Variants in KLF12 observed in about 807,000 individuals in gnomAD.
KLF12 encodes Krueppel-like factor 12.
In KLF12, 9 loss-of-function variants were observed where a neutral mutation model predicts 37.8. The observed-to-expected ratio is 0.24, with a 90% CI of 0.14 to 0.42. KLF12 has a LOEUF of 0.42. Among genes scored for constraint, KLF12 ranks in the 10% least tolerant of loss-of-function variants. The pLI, the probability that KLF12 is intolerant of heterozygous loss-of-function variation, is 1.00. For missense variants in KLF12, 411 were observed against 516.0 expected (o/e 0.80, Z 1.97); for synonymous variants, 208 against 202.1 (o/e 1.03, Z -0.25).
At chr13:74,190,946 A>G in the KLF12 span, among the ~76,000 whole-genome samples, 1 of 152,114 alleles carries the variant, frequency 6.6e-6, no homozygotes, top group Non-Finnish European at 1.5e-5. Context: ...TTATGTTTGG[A>G]TTCCCAGATG....
chr13:73,821,119 GTC>G (rs1883501771), intron 4 of KLF12, among the ~76,000 whole-genome samples: 1 of 152,174 alleles, frequency 6.6e-6, no homozygotes, highest in South Asian at 2.1e-4. Context: ...TTGGGCCTTT[GTC>G]TCTCTCTGGT....
the KLF12 span, among the ~76,000 whole-genome samples, chr13:74,282,583 G>A: frequency 9.9e-5 from 15 of 152,156 alleles, no homozygotes; most frequent in Non-Finnish European, 1.5e-4. Context: ...TGATGGGGAC[G>A]CACCTCCTGA....
chr13:74,220,503 T>G, the KLF12 span, among the ~76,000 whole-genome samples: 1 of 152,222 alleles, frequency 6.6e-6, no homozygotes, highest in Non-Finnish European at 1.5e-5. Context: ...GACATAGGCA[T>G]TAGCTCACAT....
chr13:74,280,298 T>A, the KLF12 span, among the ~76,000 whole-genome samples: 1 of 152,164 alleles, frequency 6.6e-6, no homozygotes, highest in African/African-American at 2.4e-5. Flanking sequence ...TCTAATGATC[T>A]TTTTGGGTAG....
chr13:73,977,896 C>A (rs1260993474), intron 2 of KLF12, among the ~76,000 whole-genome samples: 1 of 152,198 alleles, frequency 6.6e-6, no homozygotes, highest in Non-Finnish European at 1.5e-5. Flanking sequence ...ACAAATGGTG[C>A]TGGAACAACT....
At chr13:74,269,452 A>C in the KLF12 span, among the ~76,000 whole-genome samples, 4 of 152,174 alleles carry the variant, frequency 2.6e-5, no homozygotes, top group Non-Finnish European at 4.4e-5. Context: ...TGTGTGATGG[A>C]GGCAAAATTA....
At chr13:73,955,710 T>C (rs1168012612) in intron 2 of KLF12, among the ~76,000 whole-genome samples, 1 of 152,242 alleles carries the variant, frequency 6.6e-6, no homozygotes, top group Non-Finnish European at 1.5e-5. Context: ...ACTGAACGTA[T>C]TTAACAAACA....
chr13:73,913,806 T>C (rs1279919276), intron 3 of KLF12, among the ~76,000 whole-genome samples: 1 of 152,248 alleles, frequency 6.6e-6, no homozygotes, highest in Non-Finnish European at 1.5e-5. Context: ...TTTTATTATT[T>C]GAAGTATAAC....
At chr13:74,090,856 T>G (rs770900348) in intron 1 of KLF12, among the ~76,000 whole-genome samples, 36 of 151,076 alleles carry the variant, frequency 2.4e-4, no homozygotes, top group Non-Finnish European at 1.5e-5. Flanking sequence ...ATAGCCCAAT[T>G]CATTAAAAAA....
At chr13:73,765,072 GT>G in intron 5 of KLF12, 72 bp from the exon 6 acceptor site, 1 of 873,162 alleles carries the variant, frequency 1.1e-6, no homozygotes. Context: ...AAAATGGCAT[GT>G]TTTATAAATA....
chr13:74,234,074 T>C, the KLF12 span, among the ~76,000 whole-genome samples: 1 of 152,168 alleles, frequency 6.6e-6, no homozygotes, highest in African/African-American at 2.4e-5. Flanking sequence ...ATGTTGATAA[T>C]AGGAGGATAA....
intron 1 of KLF12, among the ~76,000 whole-genome samples, chr13:74,011,888 T>C (rs139968362): frequency 2.6e-5 from 4 of 152,326 alleles, no homozygotes; most frequent in African/African-American, 9.6e-5. Flanking sequence ...ACTATGTCTT[T>C]TCACTATGGT....
chr13:74,255,715 A>G, the KLF12 span, among the ~76,000 whole-genome samples: 1 of 152,220 alleles, frequency 6.6e-6, no homozygotes, highest in Non-Finnish European at 1.5e-5. Context: ...ATTGTTGTAT[A>G]TAGGAGAACT....
intron 6 of KLF12, among the ~76,000 whole-genome samples, chr13:73,728,609 G>T (rs1306631073): frequency 6.6e-6 from 1 of 152,180 alleles, no homozygotes; most frequent in Non-Finnish European, 1.5e-5. Flanking sequence ...TATTCCTAGT[G>T]TACTGAGTGT....
intron 3 of KLF12, among the ~76,000 whole-genome samples, chr13:73,903,793 C>G (rs1222442600): frequency 6.6e-6 from 1 of 152,186 alleles, no homozygotes; most frequent in African/African-American, 2.4e-5. Context: ...TGAGCTCCAC[C>G]ACCTGCCAGC....
chr13:74,275,806 CCTTCTTT>C, the KLF12 span, among the ~76,000 whole-genome samples: 1 of 79,578 alleles, frequency 1.3e-5, no homozygotes, highest in Non-Finnish European at 2.5e-5. Flanking sequence ...TTCTTTCTTT[CCTTCTTT>C]CTTTCTTTCT....
chr13:73,732,117 CTT>C lies in KLF12; in HGVS notation c.870-16594_870-16593del, dbSNP rs1877106608. Among the ~76,000 whole-genome samples, 7 of 134,546 alleles carry C rather than the reference CTT, an allele frequency of 5.2e-5. No homozygotes were observed. The Admixed American group carries it at 5.5e-4, about 11-fold the overall frequency. 88.3% of individuals were successfully genotyped at this position (134,546 alleles called of 152,430 possible). A position where few individuals can be genotyped will look rare whatever the true frequency, so the allele number is the denominator to read the frequency against. On this transcript the variant is annotated intron_variant, in intron 6 of 7. Coordinates refer to ENST00000377669, the MANE Select transcript of KLF12 (RefSeq NM_007249.5). ...TTTTTTTTTGAGAGGGAGTTTTGCTCTTGTTGCCCAGGTTGGAGTGCAGTGGC... is the reference window on the plus strand; with the variant it reads ...TTTTTTTTTGAGAGGGAGTTTTGCTCGTTGCCCAGGTTGGAGTGCAGTGGC...
chr13:74,094,436 T>G (rs905985223), intron 1 of KLF12, among the ~76,000 whole-genome samples: 2 of 152,110 alleles, frequency 1.3e-5, no homozygotes, highest in African/African-American at 4.8e-5. Flanking sequence ...TTTCTTGATA[T>G]GTAACCTGCC....
intron 2 of KLF12, among the ~76,000 whole-genome samples, chr13:73,951,007 A>G (rs141336426): frequency 6.6e-6 from 1 of 152,328 alleles, no homozygotes; most frequent in African/African-American, 2.4e-5. Context: ...ATGCTTGGAC[A>G]CAGAAGCCAG....
Sources: gnomAD v4.1 joint callset for allele counts (sites outside exome capture counted in the v4.1 genomes callset) on GRCh38, gnomAD v4.1.1 for gene constraint, MANE v1.5 for transcripts, NCBI Gene and HGNC (gene_info 2026-07-23, HGNC 2026-07-21) for gene names.